Variants in ETV1 observed in about 807,000 individuals in gnomAD.
ETV1 encodes the protein ETS variant transcription factor 1.
ETV1 carries 27 observed loss-of-function variants against 62.3 expected under a neutral mutation model. The ratio of observed to expected loss-of-function variants is 0.43; its 90% CI spans 0.32 to 0.60. The LOEUF (loss-of-function observed/expected upper bound fraction) is 0.60, where lower values mean the gene tolerates loss of function less well. Ranked by LOEUF, ETV1 falls within the 20% of genes least tolerant of loss-of-function variation. ETV1 has a pLI of 0.06. For synonymous variants in ETV1, 222 were observed against 199.6 expected (o/e 1.11, Z -0.94); for missense variants, 605 against 605.8 (o/e 1.00, Z 0.01).
intron 6 of ETV1, among the ~76,000 whole-genome samples, chr7:13,944,773 C>G (rs1398376736): frequency 6.6e-6 from 1 of 152,060 alleles, no homozygotes; most frequent in Non-Finnish European, 1.5e-5. Context: ...ATTTCAACAC[C>G]AGAATCTCTT....
chr7:13,939,327 A>G, intron 6 of ETV1, 81 bp from the exon 7 acceptor site: 2 of 1,222,702 alleles, frequency 1.6e-6, no homozygotes, highest in Middle Eastern at 4.1e-4. Flanking sequence ...TTCTCTTGTT[A>G]AAAAGGTCAT....
intron 6 of ETV1, among the ~76,000 whole-genome samples, chr7:13,961,708 C>T (rs867039063): frequency 3.9e-5 from 6 of 152,214 alleles, no homozygotes; most frequent in African/African-American, 1.4e-4. Context: ...GAATTCATAA[C>T]CCATAATCTT....
At chr7:13,932,165 T>G (rs1354895151) in intron 8 of ETV1, among the ~76,000 whole-genome samples, 1 of 152,030 alleles carries the variant, frequency 6.6e-6, no homozygotes, top group Non-Finnish European at 1.5e-5. Flanking sequence ...GAAAAAGATC[T>G]CAAACTGCAT....
intron 6 of ETV1, among the ~76,000 whole-genome samples, chr7:13,972,793 A>G (rs1383450215): frequency 3.3e-5 from 5 of 152,128 alleles, no homozygotes; most frequent in African/African-American, 9.7e-5. Context: ...ATTTTCTGAT[A>G]GATACAGGGT....
chr7:13,936,594 A>C (rs1270093584), intron 7 of ETV1, among the ~76,000 whole-genome samples: 1 of 152,238 alleles, frequency 6.6e-6, no homozygotes, highest in Non-Finnish European at 1.5e-5. Flanking sequence ...TAAAATGAGT[A>C]AGCTTGATTT....
At chr7:13,969,321 T>C (rs1413657805) in intron 6 of ETV1, among the ~76,000 whole-genome samples, 1 of 152,204 alleles carries the variant, frequency 6.6e-6, no homozygotes, top group South Asian at 2.1e-4. Context: ...ATTTAAAATA[T>C]CATTTTTATA....
At chr7:13,930,878 G>A (rs1487881893) in intron 9 of ETV1, among the ~76,000 whole-genome samples, 4 of 151,608 alleles carry the variant, frequency 2.6e-5, no homozygotes, top group Non-Finnish European at 4.4e-5. Context: ...TCGGCTCACT[G>A]CAACCTCTGC....
Position 13,989,057 on chromosome 7 carries a change from C to T in ETV1, c.-5G>A, listed in dbSNP as rs756733582. 1.9e-6 allele frequency: 3 copies of T among 1,597,970 alleles called. No individual in the cohort carries two copies. Among genetic ancestry groups the T allele is most frequent in the Non-Finnish European group, 2.6e-6 (3 of 1,172,712 alleles). The stretch of plus-strand genomic sequence containing the variant: ...CTGGTCATAAAATCCATCCATGCTG[C>T]TGCTCTTCGCAAATCTCAGCTCAGT... On this transcript the variant is annotated 5_prime_UTR_variant, in exon 3 of 14. Transcript: ENST00000430479.
intron 7 of ETV1, among the ~76,000 whole-genome samples, chr7:13,937,041 C>CA (rs145484724): frequency 3.3e-4 from 50 of 149,946 alleles, no homozygotes; most frequent in African/African-American, 8.6e-4. Flanking sequence ...GACCCTGTCT[C>CA]AAAAAAAAAT....
chr7:13,972,329 G>A (rs1780990612), intron 6 of ETV1, among the ~76,000 whole-genome samples: 1 of 152,030 alleles, frequency 6.6e-6, no homozygotes, highest in Non-Finnish European at 1.5e-5. Context: ...CTACTTGGGA[G>A]GCTGAAGTAG....
intron 9 of ETV1, among the ~76,000 whole-genome samples, chr7:13,917,242 A>T (rs1318232811): frequency 6.6e-6 from 1 of 152,056 alleles, no homozygotes; most frequent in African/African-American, 2.4e-5. Flanking sequence ...GAAATTTTAA[A>T]ATAAAGTTGA....
At chr7:13,986,234 A>C in intron 5 of ETV1, 1 of 1,550,438 alleles carries the variant, frequency 6.4e-7, no homozygotes, top group Non-Finnish European at 8.7e-7. Flanking sequence ...CCTCCACCAG[A>C]ACACCAAATA....
chr7:13,954,051 T>C (rs1325798367), intron 6 of ETV1, among the ~76,000 whole-genome samples: 1 of 152,196 alleles, frequency 6.6e-6, no homozygotes, highest in Non-Finnish European at 1.5e-5. Flanking sequence ...TAATATTGCA[T>C]TGCCATAGAA....
chr7:13,930,866 T>C (rs1378281355), intron 9 of ETV1, among the ~76,000 whole-genome samples: 1 of 151,952 alleles, frequency 6.6e-6, no homozygotes, highest in Non-Finnish European at 1.5e-5. Flanking sequence ...AGTGGTGCGA[T>C]CTCGGCTCAC....
At chr7:13,909,722 A>G (rs541548805) in intron 10 of ETV1, 22 bp from the exon 11 acceptor site, 1 of 1,582,708 alleles carries the variant, frequency 6.3e-7, no homozygotes, top group South Asian at 1.1e-5. Flanking sequence ...AAAGGAATAC[A>G]TTTATTCATG....
intron 9 of ETV1, among the ~76,000 whole-genome samples, chr7:13,924,064 A>G (rs1785147025): frequency 6.6e-6 from 1 of 152,106 alleles, no homozygotes; most frequent in African/African-American, 2.4e-5. Context: ...ATAAAATAAA[A>G]TAAAATGAAG....
intron 7 of ETV1, among the ~76,000 whole-genome samples, chr7:13,938,201 TC>T: frequency 6.6e-6 from 1 of 152,182 alleles, no homozygotes; most frequent in Non-Finnish European, 1.5e-5. Context: ...CAACTCTGCC[TC>T]CCAAAGTGCT....
chr7:13,903,274 T>G (rs959196843), intron 12 of ETV1, among the ~76,000 whole-genome samples: 12 of 152,180 alleles, frequency 7.9e-5, no homozygotes, highest in African/African-American at 2.9e-4. Context: ...GTCAAATAAA[T>G]TAAATAAGAT....
At chr7:13,971,738 A>C (rs997404122) in intron 6 of ETV1, among the ~76,000 whole-genome samples, 3 of 152,202 alleles carry the variant, frequency 2.0e-5, no homozygotes, top group African/African-American at 7.2e-5. Context: ...ATGTAACCAA[A>C]TGGAAACAAA....
Sources: allele counts gnomAD v4.1 joint callset (sites outside exome capture counted in the v4.1 genomes callset), GRCh38; gene constraint gnomAD v4.1.1; transcripts MANE v1.5; gene names NCBI Gene and HGNC (gene_info 2026-07-23, HGNC 2026-07-21).